FGF14: variants seen among roughly 807,000 people sequenced by gnomAD.
FGF14 encodes the protein fibroblast growth factor 14, also known as fibroblast growth factor homologous factor 4.
A neutral mutation model predicts 25.5 loss-of-function variants in FGF14; 5 were observed. The ratio of observed to expected loss-of-function variants is 0.20; its 90% CI spans 0.10 to 0.41. The LOEUF (loss-of-function observed/expected upper bound fraction) is 0.41. Among genes scored for constraint, FGF14 ranks in the 10% least tolerant of loss-of-function variants. The pLI, the probability that FGF14 is intolerant of heterozygous loss-of-function variation, is 1.00. For synonymous variants in FGF14, 138 were observed against 118.3 expected (o/e 1.17, Z -1.08); for missense variants, 222 against 320.1 (o/e 0.69, Z 2.34).
At chr13:101,883,152 T>G (rs1229206851) in intron 1 of FGF14, among the ~76,000 whole-genome samples, 1 of 152,214 alleles carries the variant, frequency 6.6e-6, no homozygotes, top group Non-Finnish European at 1.5e-5. Context: ...CTGTAGCATT[T>G]GCTCTTGAAT....
intron 1 of FGF14, among the ~76,000 whole-genome samples, chr13:102,354,549 A>G (rs1350502056): frequency 1.3e-5 from 2 of 152,140 alleles, no homozygotes; most frequent in Non-Finnish European, 2.9e-5. Context: ...ATGTCTCCCT[A>G]AAATATAAAA....
At chr13:101,835,072 A>G (rs1361652380) in intron 3 of FGF14, among the ~76,000 whole-genome samples, 1 of 152,144 alleles carries the variant, frequency 6.6e-6, no homozygotes, top group African/African-American at 2.4e-5. Context: ...CACTGCATTT[A>G]AAATCATTTA....
At chr13:101,779,540 C>G in intron 3 of FGF14, among the ~76,000 whole-genome samples, 1 of 152,064 alleles carries the variant, frequency 6.6e-6, no homozygotes, top group East Asian at 1.9e-4. Context: ...TACATAAAAC[C>G]ATTATGTGTT....
At chr13:101,864,622 T>C (rs994834817) in intron 3 of FGF14, among the ~76,000 whole-genome samples, 11 of 152,080 alleles carry the variant, frequency 7.2e-5, no homozygotes, top group African/African-American at 2.4e-4. Flanking sequence ...AACCTTGAAT[T>C]TTCCTGGTTT....
chr13:101,976,264 C>G (rs767269834), intron 1 of FGF14, among the ~76,000 whole-genome samples: 3 of 152,004 alleles, frequency 2.0e-5, no homozygotes, highest in Non-Finnish European at 4.4e-5. Context: ...TTTCTCTATA[C>G]CTTATCCAGT....
chr13:101,867,101 C>A (rs193026002), intron 3 of FGF14, among the ~76,000 whole-genome samples: 1 of 152,120 alleles, frequency 6.6e-6, no homozygotes, highest in African/African-American at 2.4e-5. Flanking sequence ...TGCTATTGCA[C>A]GCAGTGACCC....
intron 3 of FGF14, among the ~76,000 whole-genome samples, chr13:101,788,909 TAGAGAG>T (rs781347440): frequency 0.011 from 331 of 31,082 alleles, 2 homozygotes; most frequent in East Asian, 0.021. Context: ...TATATATATA[TAGAGAG>T]AGAGAGAGAG....
intron 3 of FGF14, among the ~76,000 whole-genome samples, chr13:101,777,835 G>A (rs956452065): frequency 1.3e-5 from 2 of 152,028 alleles, no homozygotes; most frequent in African/African-American, 4.8e-5. Flanking sequence ...ATGGTGAGAG[G>A]CACCTGTAAT....
intron 1 of FGF14, among the ~76,000 whole-genome samples, chr13:102,069,189 C>T (rs553534349): frequency 2.2e-3 from 337 of 152,240 alleles, no homozygotes; most frequent in Non-Finnish European, 3.7e-3. Context: ...TTTGTGAGTG[C>T]GCCAATTGAC....
At chr13:102,001,563 TGTATC>T in intron 1 of FGF14, among the ~76,000 whole-genome samples, 1 of 152,160 alleles carries the variant, frequency 6.6e-6, no homozygotes, top group Non-Finnish European at 1.5e-5. Flanking sequence ...AGAACATGGG[TGTATC>T]CCACACCCGT....
chr13:102,097,351 G>A (rs1342455934), intron 1 of FGF14, among the ~76,000 whole-genome samples: 4 of 152,166 alleles, frequency 2.6e-5, no homozygotes, highest in East Asian at 1.9e-4. Context: ...CAGAGACAGC[G>A]TTAGAAATAT....
chr13:102,394,756 C>T (rs1224655874), intron 1 of FGF14: 1 of 152,406 alleles, frequency 6.6e-6, no homozygotes, highest in East Asian at 1.9e-4. Context: ...AAGCCCGTGC[C>T]TGGCCCGTTG....
intron 1 of FGF14, among the ~76,000 whole-genome samples, chr13:102,041,527 TA>T (rs34550413): frequency 6.6e-4 from 82 of 123,888 alleles, no homozygotes; most frequent in East Asian, 1.8e-3. Context: ...GTGAATTCCT[TA>T]AAAAAAAAAA....
chr13:102,242,853 C>T (rs1193950192), intron 1 of FGF14, among the ~76,000 whole-genome samples: 4 of 152,128 alleles, frequency 2.6e-5, no homozygotes, highest in Non-Finnish European at 5.9e-5. Context: ...CTCCAGTGTG[C>T]AACAGACAAG....
At chr13:101,913,811 T>A (rs2033197940) in intron 1 of FGF14, among the ~76,000 whole-genome samples, 1 of 150,816 alleles carries the variant, frequency 6.6e-6, no homozygotes, top group Non-Finnish European at 1.5e-5. Context: ...TCCCCACCCC[T>A]CTCTCCTCCA....
chr13:102,242,291 A>G (rs951343565), intron 1 of FGF14, among the ~76,000 whole-genome samples: 4 of 152,158 alleles, frequency 2.6e-5, no homozygotes, highest in African/African-American at 9.6e-5. Context: ...ACAGGCAGGA[A>G]GAGCCAAGCC....
At chr13:102,199,760 C>A (rs1411559734) in intron 1 of FGF14, among the ~76,000 whole-genome samples, 4 of 152,146 alleles carry the variant, frequency 2.6e-5, no homozygotes, top group Non-Finnish European at 5.9e-5. Context: ...TCAGAAAAAT[C>A]CAAACTCACA....
rs572522779 is a variant in FGF14, at chr13:102,068,561, C to T, written c.209-193265G>A. Among the ~76,000 whole-genome samples, 441 of 152,330 alleles carry T rather than the reference C, an allele frequency of 2.9e-3. 5 individuals carry two copies. The South Asian group carries it at 0.031, about 11-fold the overall frequency. On this transcript the variant is annotated intron_variant, in intron 1 of 4. Coordinates refer to the FGF14 transcript ENST00000376131. ...TGGGCATGGGCTTGGCGGGCCTGCACTCGGAGCAGACGGCCGGCCCTGCCA... is the reference window on the plus strand; with the variant it reads ...TGGGCATGGGCTTGGCGGGCCTGCATTCGGAGCAGACGGCCGGCCCTGCCA...
chr13:102,057,318 T>C (rs1386273003), intron 1 of FGF14, among the ~76,000 whole-genome samples: 1 of 152,182 alleles, frequency 6.6e-6, no homozygotes, highest in African/African-American at 2.4e-5. Context: ...CAAATTGTTA[T>C]GATGAATGCT....
Sources: gnomAD v4.1 joint callset for allele counts (sites outside exome capture counted in the v4.1 genomes callset) on GRCh38, gnomAD v4.1.1 for gene constraint, MANE v1.5 for transcripts, NCBI Gene and HGNC (gene_info 2026-07-23, HGNC 2026-07-21) for gene names.